The following ANK1 variants were observed in gnomAD, a reference collection of about 807,000 sequenced individuals.
The protein encoded by ANK1 is ankyrin-1.
ANK1 carries 51 observed loss-of-function variants against 210.4 expected under a neutral mutation model. That is an observed-to-expected ratio of 0.24 (90% CI 0.19 to 0.31). ANK1 has a LOEUF of 0.31. ANK1 is among the 10% of genes least tolerant of loss of function. The pLI, the probability that ANK1 is intolerant of heterozygous loss-of-function variation, is 1.00. For synonymous variants in ANK1, 967 were observed against 1,025.9 expected (o/e 0.94, Z 1.10); for missense variants, 2,051 against 2,504.4 (o/e 0.82, Z 3.86).
intron 37 of ANK1, among the ~76,000 whole-genome samples, chr8:41,676,547 G>A (rs1814218361): frequency 6.6e-6 from 1 of 152,172 alleles, no homozygotes; most frequent in African/African-American, 2.4e-5. Flanking sequence ...TTTCTTAACA[G>A]TGTATTTTGA....
intron 40 of ANK1, among the ~76,000 whole-genome samples, chr8:41,662,402 A>G (rs537144548): frequency 6.6e-6 from 1 of 152,278 alleles, no homozygotes; most frequent in East Asian, 1.9e-4. Flanking sequence ...CCTTTGCCCC[A>G]TTGCTTAATG....
intron 1 of ANK1, among the ~76,000 whole-genome samples, chr8:41,831,650 AAAAAAGAAG>A (rs1020605550): frequency 5.4e-5 from 7 of 128,534 alleles, no homozygotes; most frequent in African/African-American, 1.9e-4. Flanking sequence ...AAAAAAAAAA[AAAAAAGAAG>A]AAGAAAAAGA....
At chr8:41,679,720 G>A (rs1034100637) in intron 37 of ANK1, among the ~76,000 whole-genome samples, 8 of 150,246 alleles carry the variant, frequency 5.3e-5, no homozygotes, top group Admixed American at 3.3e-4. Context: ...CCACCATCAC[G>A]CCAGGCTAAT....
chr8:41,721,022 G>T (rs1414487418), intron 9 of ANK1, among the ~76,000 whole-genome samples: 1 of 152,168 alleles, frequency 6.6e-6, no homozygotes. Flanking sequence ...TGCAAATCAG[G>T]TTCCATGACA....
intron 1 of ANK1, among the ~76,000 whole-genome samples, chr8:41,859,763 C>A (rs1449229517): frequency 6.6e-6 from 1 of 152,216 alleles, no homozygotes; most frequent in Non-Finnish European, 1.5e-5. Context: ...CTGTTAAGCA[C>A]GGGGTTATGA....
intron 29 of ANK1, among the ~76,000 whole-genome samples, chr8:41,693,656 C>G (rs928850752): frequency 3.3e-5 from 5 of 151,990 alleles, no homozygotes; most frequent in Non-Finnish European, 7.4e-5. Context: ...AACTCTTGAC[C>G]TCAGGCGATC....
intron 1 of ANK1, among the ~76,000 whole-genome samples, chr8:41,853,468 T>C (rs1811630295): frequency 6.6e-6 from 1 of 152,234 alleles, no homozygotes; most frequent in African/African-American, 2.4e-5. Context: ...TCAGAACACT[T>C]AATGTTTTTC....
At chr8:41,845,811 C>T (rs1161191263) in intron 1 of ANK1, among the ~76,000 whole-genome samples, 1 of 152,172 alleles carries the variant, frequency 6.6e-6, no homozygotes, top group Non-Finnish European at 1.5e-5. Context: ...CTGCTACTTC[C>T]ATAAACATAC....
At position 41,723,116 on chromosome 8, in the gene ANK1, A is replaced by G. The variant is rs756182531; in HGVS notation, c.909+9T>C. The stretch of plus-strand genomic sequence containing the variant: ...TAGAAAATGCGCCTGACAGGAAGGA[A>G]GTACACACCTTGGTTTTGGCTTGGA... On this transcript the variant is annotated intron_variant, in intron 9 of 42. Transcript: ENST00000289734. The G allele has an allele frequency of 6.9e-5, 112 of 1,613,818 alleles. No homozygotes were observed. The highest frequency in any genetic ancestry group is 9.1e-5 in the Non-Finnish European group (107 of 1,179,804).
At position 41,663,754 on chromosome 8, in the gene ANK1, G is replaced by A. The variant is rs1313032556; in HGVS notation, c.5395-12C>T. ...TGAAACTCATTCCCCTGGAATTAGAGAAAGGGAGAAAATGCAAGATTGGTG... is the reference window on the plus strand; with the variant it reads ...TGAAACTCATTCCCCTGGAATTAGAAAAAGGGAGAAAATGCAAGATTGGTG... On this transcript the variant is annotated splice_polypyrimidine_tract_variant and intron_variant, in intron 39 of 42. Transcript: ENST00000289734. 6.2e-7 allele frequency: 1 copy of A among 1,606,092 alleles called. No homozygotes were observed. The highest frequency in any genetic ancestry group is 8.5e-7 in the Non-Finnish European group (1 of 1,172,726).
At chr8:41,773,965 C>CAT (rs1563734633) in intron 1 of ANK1, among the ~76,000 whole-genome samples, 3 of 152,144 alleles carry the variant, frequency 2.0e-5, no homozygotes, top group Non-Finnish European at 4.4e-5. Context: ...CCAGATGAAG[C>CAT]GAACAGAATG....
At chr8:41,860,471 G>A (rs1813075392) in intron 1 of ANK1, among the ~76,000 whole-genome samples, 1 of 152,226 alleles carries the variant, frequency 6.6e-6, no homozygotes, top group Admixed American at 6.5e-5. Context: ...ATGAGCCCCT[G>A]TGAATGCACT....
intron 1 of ANK1, among the ~76,000 whole-genome samples, chr8:41,790,294 C>A (rs1301778368): frequency 6.6e-6 from 1 of 152,048 alleles, no homozygotes; most frequent in East Asian, 1.9e-4. Context: ...TTACAGGCAC[C>A]CACTACCATG....
chr8:41,815,451 T>G (rs182255678), intron 1 of ANK1, among the ~76,000 whole-genome samples: 1 of 152,164 alleles, frequency 6.6e-6, no homozygotes, highest in Non-Finnish European at 1.5e-5. Flanking sequence ...GTATTCCATT[T>G]TAGTCAGTTT....
At chr8:41,827,011 T>C (rs934639822) in intron 1 of ANK1, among the ~76,000 whole-genome samples, 1 of 152,276 alleles carries the variant, frequency 6.6e-6, no homozygotes, top group Non-Finnish European at 1.5e-5. Flanking sequence ...AATTCACTGC[T>C]TGATCTATTG....
intron 1 of ANK1, among the ~76,000 whole-genome samples, chr8:41,833,905 A>G (rs1807134745): frequency 6.6e-6 from 1 of 152,176 alleles, no homozygotes. Flanking sequence ...TGACACTAGT[A>G]TGAAAGGAAA....
At chr8:41,866,418 T>C (rs1814470150) in intron 1 of ANK1, among the ~76,000 whole-genome samples, 1 of 151,952 alleles carries the variant, frequency 6.6e-6, no homozygotes, top group Non-Finnish European at 1.5e-5. Flanking sequence ...GGTCTTGAAT[T>C]CCTGGCCTCA....
intron 1 of ANK1, among the ~76,000 whole-genome samples, chr8:41,867,114 G>T (rs749774363): frequency 3.3e-5 from 5 of 152,170 alleles, no homozygotes; most frequent in African/African-American, 4.8e-5. Context: ...AGACCCCAAC[G>T]CTGGGAGAAG....
chr8:41,836,697 G>C (rs1014428381), intron 1 of ANK1, among the ~76,000 whole-genome samples: 1 of 152,144 alleles, frequency 6.6e-6, no homozygotes, highest in Admixed American at 6.5e-5. Context: ...GCTTTGCTTG[G>C]GGCCAGGAGT....
Sources: gnomAD v4.1 joint callset for allele counts (sites outside exome capture counted in the v4.1 genomes callset) on GRCh38, gnomAD v4.1.1 for gene constraint, MANE v1.5 for transcripts, NCBI Gene and HGNC (gene_info 2026-07-23, HGNC 2026-07-21) for gene names.